CACNA1C: variants seen among roughly 807,000 people sequenced by gnomAD.
CACNA1C encodes the protein voltage-dependent L-type calcium channel subunit alpha-1C.
In CACNA1C, 30 loss-of-function variants were observed where a neutral mutation model predicts 229.0. The observed-to-expected ratio is 0.13, with a 90% CI of 0.10 to 0.18. The LOEUF is 0.18. Among genes scored for constraint, CACNA1C ranks in the 10% least tolerant of loss-of-function variants. The pLI is 1.00. For missense variants in CACNA1C, 1,658 were observed against 2,845.0 expected, an observed-to-expected ratio of 0.58 and a Z score of 9.49; for synonymous variants, 1,114 against 1,132.5, an observed-to-expected ratio of 0.98 and a Z score of 0.33.
intron 3 of CACNA1C, among the ~76,000 whole-genome samples, chr12:2,127,925 G>A (rs1400149149): frequency 1.3e-5 from 2 of 152,134 alleles, no homozygotes; most frequent in Non-Finnish European, 2.9e-5. Flanking sequence ...AGAGCTTTGC[G>A]TGCAATGTTT....
chr12:2,077,517 C>G (rs2063660929), intron 1 of CACNA1C, among the ~76,000 whole-genome samples: 1 of 152,062 alleles, frequency 6.6e-6, no homozygotes, highest in Non-Finnish European at 1.5e-5. Context: ...ATGTCAGGAA[C>G]TTTATGTGAC....
intron 1 of CACNA1C, among the ~76,000 whole-genome samples, chr12:2,100,871 G>GGT (rs1350338004): frequency 1.3e-5 from 2 of 151,586 alleles, no homozygotes; most frequent in Admixed American, 6.6e-5. Flanking sequence ...TGGGCAACAG[G>GGT]GTGTCTCTAC....
intron 3 of CACNA1C, among the ~76,000 whole-genome samples, chr12:2,199,225 C>T (rs963962284): frequency 3.3e-5 from 5 of 152,084 alleles, no homozygotes; most frequent in East Asian, 1.9e-4. Flanking sequence ...GCCTCAGGGA[C>T]GTTGCACTTG....
At position 2,354,205 on chromosome 12, in the gene CACNA1C, C is replaced by T. The variant is rs1208343318; in HGVS notation, c.478-94771C>T. Among the ~76,000 whole-genome samples the T allele has an allele frequency of 6.6e-6, 1 of 152,152 alleles. No individual in the cohort carries two copies. The highest frequency in any genetic ancestry group is 1.5e-5 in the Non-Finnish European group (1 of 68,024). On this transcript the variant is annotated intron_variant, in intron 3 of 46. Coordinates refer to ENST00000399655, the MANE Select transcript of CACNA1C (RefSeq NM_000719.7). The surrounding 1 kb of genome is among the most constrained non-coding windows in gnomAD (Gnocchi z 4.6). ...GGAAGCCCCGCCTTTCATGTGGGCC[C>T]CGCACAGTTAGGCTGCCCGAGTCCC... is the stretch of plus-strand genomic sequence containing the variant.
Position 2,562,227 on chromosome 12 carries a change from C to T in CACNA1C, c.1509-4195C>T, listed in dbSNP as rs2047883654. Among the ~76,000 whole-genome samples, 3 of 152,220 alleles carry T rather than the reference C, an allele frequency of 2.0e-5. No individual in the cohort carries two copies. The South Asian group carries it at 6.2e-4, about 32-fold the overall frequency. On this transcript the variant is annotated intron_variant, in intron 11 of 46. Coordinates refer to ENST00000399655, the MANE Select transcript of CACNA1C (RefSeq NM_000719.7). ...ATGGGACCAGCCTGACCACACAGCA[C>T]CCATATCCACTACTCCCAAGCATGA...
intron 1 of CACNA1C, among the ~76,000 whole-genome samples, chr12:1,983,482 G>C (rs1346709668): frequency 6.6e-6 from 1 of 151,842 alleles, no homozygotes; most frequent in Non-Finnish European, 1.5e-5. Context: ...TCTTTGACAT[G>C]ACTTTTTCAG....
At chr12:2,240,139 A>G (rs2069288275) in intron 3 of CACNA1C, among the ~76,000 whole-genome samples, 2 of 152,240 alleles carry the variant, frequency 1.3e-5, no homozygotes, top group South Asian at 4.1e-4. Context: ...GCATTATTAC[A>G]TGAAACACAA....
rs7297668 is a variant in CACNA1C at position 2,314,151 on chromosome 12, C to T, written c.478-134825C>T. Among the ~76,000 whole-genome samples, 610 of 152,314 alleles carry T rather than the reference C, an allele frequency of 4.0e-3. 3 individuals carry two copies. Among genetic ancestry groups the T allele is most frequent in the African/African-American group, 0.014 (576 of 41,574 alleles). On this transcript the variant is annotated intron_variant, in intron 3 of 46. Transcript: ENST00000399655. ...CCACGTCACCTTCTCTCCTGGGCAC[C>T]TGCTCTTCTGAGGAGCTTGCAGCCT...
intron 3 of CACNA1C, among the ~76,000 whole-genome samples, chr12:2,436,212 A>G (rs970839944): frequency 5.9e-5 from 9 of 152,196 alleles, no homozygotes; most frequent in East Asian, 1.9e-4. Flanking sequence ...GGGAAGTGGC[A>G]TGTTCAAAGT....
At chr12:2,681,213 G>A (rs939882267) in intron 42 of CACNA1C, among the ~76,000 whole-genome samples, 7 of 152,188 alleles carry the variant, frequency 4.6e-5, no homozygotes, top group African/African-American at 1.7e-4. Flanking sequence ...GACATAAGGG[G>A]AGAGGGATGT....
At chr12:2,620,666 G>T (rs2082762723) in intron 29 of CACNA1C, among the ~76,000 whole-genome samples, 1 of 152,198 alleles carries the variant, frequency 6.6e-6, no homozygotes, top group Admixed American at 6.5e-5. Flanking sequence ...TCAGGAGAGG[G>T]GTAGTCAGCT....
At chr12:2,355,149 A>G (rs1453522577) in intron 3 of CACNA1C, among the ~76,000 whole-genome samples, 1 of 152,196 alleles carries the variant, frequency 6.6e-6, no homozygotes, top group Non-Finnish European at 1.5e-5. Context: ...ATTGCATAGA[A>G]AAGGGTTTTC....
chr12:2,116,620 G>A, intron 2 of CACNA1C, among the ~76,000 whole-genome samples: 1 of 152,080 alleles, frequency 6.6e-6, no homozygotes, highest in South Asian at 2.1e-4. Context: ...GCCTGCCTCG[G>A]CCTCCCAAAG....
intron 3 of CACNA1C, among the ~76,000 whole-genome samples, chr12:2,397,607 T>A (rs555117439): frequency 1.3e-5 from 2 of 152,236 alleles, no homozygotes; most frequent in African/African-American, 4.8e-5. Flanking sequence ...GCAGGGGAAT[T>A]TATGTGTACC....
rs192087099 is a variant in CACNA1C, at chr12:2,157,245, C to T, written c.477+36815C>T. On this transcript the variant is annotated intron_variant, in intron 3 of 46. Transcript: ENST00000399655. Reference sequence around the variant, plus strand: ...TCCACAATGTAAACATGCTTCAAAACATGTTGTACACAGTAAATATATATA... The same window carrying T: ...TCCACAATGTAAACATGCTTCAAAATATGTTGTACACAGTAAATATATATA... 6.4e-4 allele frequency among the ~76,000 whole-genome samples: 98 copies of T among 152,272 alleles called. No homozygotes were observed. The Middle Eastern group carries it at 0.014, about 21-fold the overall frequency.
chr12:2,682,879 C>CCACA (rs71951718), intron 43 of CACNA1C, among the ~76,000 whole-genome samples: 40 of 34,132 alleles, frequency 1.2e-3, no homozygotes, highest in African/African-American at 7.3e-3. Context: ...CACACACACA[C>CCACA]CACACACACA....
chr12:2,513,882 T>G lies in CACNA1C; in HGVS notation c.1390+898T>G, dbSNP rs187090594. ...CCAGGTGATCAAGATGCATAGTAAATTTGAGAAGCTTTGGGTTAACTCTAA... is the reference window on the plus strand; with the variant it reads ...CCAGGTGATCAAGATGCATAGTAAAGTTGAGAAGCTTTGGGTTAACTCTAA... On this transcript the variant is annotated intron_variant, in intron 9 of 46. Coordinates refer to ENST00000399655, the MANE Select transcript of CACNA1C (RefSeq NM_000719.7). Among the ~76,000 whole-genome samples the G allele has an allele frequency of 4.3e-3, 652 of 152,312 alleles. 2 individuals are homozygous for G. Among genetic ancestry groups the G allele is most frequent in the African/African-American group, 0.015 (620 of 41,554 alleles).
intron 38 of CACNA1C, among the ~76,000 whole-genome samples, chr12:2,671,309 G>C (rs918967933): frequency 1.3e-5 from 2 of 152,122 alleles, no homozygotes; most frequent in African/African-American, 4.8e-5. Flanking sequence ...CACCGCGCCC[G>C]GCCAAAACAC....
intron 5 of CACNA1C, among the ~76,000 whole-genome samples, chr12:2,474,111 T>C (rs952786026): frequency 6.6e-6 from 1 of 152,226 alleles, no homozygotes; most frequent in Admixed American, 6.5e-5. Context: ...AACTCTATAA[T>C]GAGTACATCT....
Sources: gnomAD v4.1 joint callset for allele counts (sites outside exome capture counted in the v4.1 genomes callset) on GRCh38, gnomAD v4.1.1 for gene constraint, Gnocchi (gnomAD v3.1) non-coding constraint, MANE v1.5 for transcripts, NCBI Gene and HGNC (gene_info 2026-07-23, HGNC 2026-07-21) for gene names.